The following SLC24A2 variants were observed in gnomAD, a reference collection of about 807,000 sequenced individuals.
SLC24A2 encodes sodium/potassium/calcium exchanger 2.
SLC24A2 carries 36 observed loss-of-function variants against 62.0 expected under a neutral mutation model. That is an observed-to-expected ratio of 0.58 (90% CI 0.44 to 0.77). The LOEUF (loss-of-function observed/expected upper bound fraction) is 0.77, where lower values mean the gene tolerates loss of function less well. SLC24A2 is among the 30% of genes least tolerant of loss of function. The probability of loss-of-function intolerance (pLI) is 0.00; values close to 1 mark genes in which losing one functional copy is unlikely to be tolerated. For synonymous variants in SLC24A2, 358 were observed against 294.0 expected (o/e 1.22, Z -2.23); for missense variants, 846 against 817.9 (o/e 1.03, Z -0.42).
chr9:20,088,881 C>T, the SLC24A2 span, among the ~76,000 whole-genome samples: 4 of 152,198 alleles, frequency 2.6e-5, no homozygotes, highest in African/African-American at 7.2e-5. Context: ...TGCTGTTTCA[C>T]AGCCTTCACT....
At chr9:19,954,027 C>T in the SLC24A2 span, among the ~76,000 whole-genome samples, 15 of 151,612 alleles carry the variant, frequency 9.9e-5, no homozygotes, top group Non-Finnish European at 1.9e-4. Flanking sequence ...CCTGAGGTGC[C>T]TCAGCACAGT....
chr9:20,238,339 C>T, the SLC24A2 span, among the ~76,000 whole-genome samples: 7 of 152,120 alleles, frequency 4.6e-5, no homozygotes, highest in South Asian at 1.0e-3. Context: ...CCAAAAACTC[C>T]GACCTTCACA....
At chr9:20,061,402 T>G in the SLC24A2 span, among the ~76,000 whole-genome samples, 1 of 152,158 alleles carries the variant, frequency 6.6e-6, no homozygotes, top group Non-Finnish European at 1.5e-5. Context: ...TTGTCCTGCC[T>G]CAGCCTCCCA....
At chr9:20,228,901 G>T in the SLC24A2 span, among the ~76,000 whole-genome samples, 2 of 152,156 alleles carry the variant, frequency 1.3e-5, no homozygotes, top group African/African-American at 4.8e-5. Flanking sequence ...CATGGTGGTG[G>T]CTGGAGGATG....
At chr9:19,566,467 T>G (rs1563970923) in intron 7 of SLC24A2, among the ~76,000 whole-genome samples, 1 of 149,650 alleles carries the variant, frequency 6.7e-6, no homozygotes, top group Non-Finnish European at 1.5e-5. Context: ...AAACAACAGG[T>G]GCTGGAGAGG....
At chr9:20,161,227 G>A in the SLC24A2 span, among the ~76,000 whole-genome samples, 3 of 151,368 alleles carry the variant, frequency 2.0e-5, no homozygotes, top group African/African-American at 7.3e-5. Context: ...TTCTAGAGAA[G>A]ATACCAAAAT....
Position 19,507,574 on chromosome 9 carries a change from C to T in SLC24A2, c.*8579G>A, listed in dbSNP as rs939451793. The T allele has an allele frequency of 6.6e-6, 1 of 152,140 alleles. No homozygotes were observed. Among genetic ancestry groups the T allele is most frequent in the African/African-American group, 2.4e-5 (1 of 41,432 alleles). The allele number at this position is 152,140 out of a possible 1,614,324, so 9.4% of individuals were successfully genotyped here. On this transcript the variant is annotated 3_prime_UTR_variant, in exon 11 of 11. Transcript: ENST00000341998. ...AAGCACAAAGGTATGGACAGTGAAA[C>T]AAGAAGAAACACCCTTTATCAGAAT...
chr9:19,695,233 CA>C (rs1191723910), intron 2 of SLC24A2, among the ~76,000 whole-genome samples: 1 of 151,998 alleles, frequency 6.6e-6, no homozygotes, highest in African/African-American at 2.4e-5. Context: ...ATGAATTATC[CA>C]GCCCCAAATG....
intron 2 of SLC24A2, among the ~76,000 whole-genome samples, chr9:19,748,745 T>A (rs1283727774): frequency 6.6e-6 from 1 of 152,008 alleles, no homozygotes; most frequent in East Asian, 1.9e-4. Context: ...CCTCCTGGCT[T>A]CCTGATAGCA....
At chr9:19,596,051 A>G (rs1020414335) in intron 5 of SLC24A2, among the ~76,000 whole-genome samples, 2 of 152,122 alleles carry the variant, frequency 1.3e-5, no homozygotes, top group African/African-American at 4.8e-5. Flanking sequence ...TGCTTTAGAA[A>G]ATATCATGGT....
At chr9:19,639,106 T>TA (rs1298357724) in intron 2 of SLC24A2, among the ~76,000 whole-genome samples, 1 of 67,124 alleles carries the variant, frequency 1.5e-5, no homozygotes, top group Non-Finnish European at 3.1e-5. Context: ...CATTTGCAAG[T>TA]GGTTTTTTCC....
At chr9:19,620,506 TCCGTTGGCCAAATAAAAGGAA>T (rs1353601181) in intron 3 of SLC24A2, among the ~76,000 whole-genome samples, 5 of 152,316 alleles carry the variant, frequency 3.3e-5, no homozygotes, top group African/African-American at 1.2e-4. Flanking sequence ...CTAGTTGTGA[TCCGTTGGCCAAATAAAAGGAA>T]CTGGTACGTG....
chr9:20,168,318 CT>C, the SLC24A2 span, among the ~76,000 whole-genome samples: 1 of 151,478 alleles, frequency 6.6e-6, no homozygotes, highest in Non-Finnish European at 1.5e-5. Flanking sequence ...AACTAAAAAG[CT>C]TAAAAAAGTA....
At chr9:20,197,264 A>G in the SLC24A2 span, among the ~76,000 whole-genome samples, 1 of 152,086 alleles carries the variant, frequency 6.6e-6, no homozygotes, top group East Asian at 1.9e-4. Flanking sequence ...TTGTTTTCCA[A>G]ACTTAGTTGG....
chr9:20,071,242 A>G, the SLC24A2 span, among the ~76,000 whole-genome samples: 1 of 152,096 alleles, frequency 6.6e-6, no homozygotes, highest in Non-Finnish European at 1.5e-5. Context: ...TTTTTTTATA[A>G]CAGTGTGGGA....
the SLC24A2 span, among the ~76,000 whole-genome samples, chr9:20,038,491 T>C: frequency 6.6e-6 from 1 of 152,204 alleles, no homozygotes; most frequent in African/African-American, 2.4e-5. Flanking sequence ...CAGTGCTCTC[T>C]GCAGGTGACC....
the SLC24A2 span, among the ~76,000 whole-genome samples, chr9:20,168,937 G>A: frequency 6.6e-6 from 1 of 151,970 alleles, no homozygotes; most frequent in Admixed American, 6.6e-5. Context: ...AGTAGCCAAA[G>A]ATGTAAACAA....
chr9:19,814,322 G>C, the SLC24A2 span, among the ~76,000 whole-genome samples: 3 of 152,272 alleles, frequency 2.0e-5, no homozygotes, highest in East Asian at 5.8e-4. Flanking sequence ...CAAAGTGAGA[G>C]GTGGAAGCCA....
chr9:19,983,993 T>A, the SLC24A2 span, among the ~76,000 whole-genome samples: 1 of 152,232 alleles, frequency 6.6e-6, no homozygotes, highest in Non-Finnish European at 1.5e-5. Flanking sequence ...GCATTCAGTA[T>A]GCTCCTCAAC....
Sources: gnomAD v4.1 joint callset for allele counts (sites outside exome capture counted in the v4.1 genomes callset) on GRCh38, gnomAD v4.1.1 for gene constraint, MANE v1.5 for transcripts, NCBI Gene and HGNC (gene_info 2026-07-23, HGNC 2026-07-21) for gene names.